CSMD2: variants seen among roughly 807,000 people sequenced by gnomAD.
CSMD2 encodes CUB and sushi domain-containing protein 2.
In CSMD2, 130 loss-of-function variants were observed where a neutral mutation model predicts 398.5. That is an observed-to-expected ratio of 0.33 (90% CI 0.28 to 0.38). The LOEUF (loss-of-function observed/expected upper bound fraction) is 0.38, where lower values mean the gene tolerates loss of function less well. Among genes scored for constraint, CSMD2 ranks in the 10% least tolerant of loss-of-function variants. The pLI is 1.00. For synonymous variants in CSMD2, 1,828 were observed against 1,908.5 expected, an observed-to-expected ratio of 0.96 and a Z score of 1.10; for missense variants, 3,829 against 4,764.9, an observed-to-expected ratio of 0.80 and a Z score of 5.78.
chr1:33,659,920 T>A (rs1202945864), intron 26 of CSMD2, among the ~76,000 whole-genome samples: 2 of 152,274 alleles, frequency 1.3e-5, no homozygotes, highest in African/African-American at 4.8e-5. Context: ...TATCAACATT[T>A]GACAGCTACT....
At chr1:33,821,278 G>C (rs1658114236) in intron 7 of CSMD2, among the ~76,000 whole-genome samples, 1 of 152,208 alleles carries the variant, frequency 6.6e-6, no homozygotes, top group Non-Finnish European at 1.5e-5. Flanking sequence ...ATGCACAGTT[G>C]TCTTGGCTAG....
At chr1:34,075,871 G>GCT (rs941431242) in intron 2 of CSMD2, among the ~76,000 whole-genome samples, 1 of 152,158 alleles carries the variant, frequency 6.6e-6, no homozygotes, top group African/African-American at 2.4e-5. Flanking sequence ...TATCTGGAAG[G>GCT]CTCTTTGTTC....
rs888763093 is a variant in CSMD2 at position 33,518,695 on chromosome 1, G to T, written c.*53+770C>A. On this transcript the variant is annotated intron_variant, in intron 70 of 70. Coordinates refer to ENST00000373381, the MANE Select transcript of CSMD2 (RefSeq NM_001281956.2). This position sits in a 1 kb window ranked among gnomAD's most constrained non-coding sequence, Gnocchi z 4.3. Reference sequence around the variant, plus strand: ...GGTGCTCCAAAGAGGAAGGAATTCCGTCTCTGACTGCTTTTGGACTCAAGA... The same window carrying T: ...GGTGCTCCAAAGAGGAAGGAATTCCTTCTCTGACTGCTTTTGGACTCAAGA... Among the ~76,000 whole-genome samples, 1 of 152,120 alleles carries T rather than the reference G, an allele frequency of 6.6e-6. No homozygotes were observed. The highest frequency in any genetic ancestry group is 1.9e-4 in the East Asian group (1 of 5,186).
At chr1:33,978,418 G>A (rs1170388029) in intron 3 of CSMD2, among the ~76,000 whole-genome samples, 1 of 152,152 alleles carries the variant, frequency 6.6e-6, no homozygotes, top group African/African-American at 2.4e-5. Flanking sequence ...ACACATCACA[G>A]AGGGCAGACA....
At chr1:33,909,464 A>G (rs1249698677) in intron 5 of CSMD2, among the ~76,000 whole-genome samples, 1 of 152,068 alleles carries the variant, frequency 6.6e-6, no homozygotes, top group Non-Finnish European at 1.5e-5. Flanking sequence ...TTATGTTTGA[A>G]TATTTTACTA....
intron 25 of CSMD2, among the ~76,000 whole-genome samples, chr1:33,666,254 AAAAAAATGTGAT>A (rs1378138368): frequency 5.3e-5 from 8 of 152,170 alleles, no homozygotes; most frequent in Non-Finnish European, 1.0e-4. Flanking sequence ...ACCAAGTCCC[AAAAAAATGTGAT>A]TGAGATTTTG....
intron 5 of CSMD2, among the ~76,000 whole-genome samples, chr1:33,898,636 T>C (rs140686811): frequency 1.3e-5 from 2 of 152,008 alleles, no homozygotes; most frequent in Non-Finnish European, 2.9e-5. Context: ...AACTTCCCTA[T>C]GAAGGTAATT....
chr1:33,695,223 T>C (rs507732), intron 24 of CSMD2, among the ~76,000 whole-genome samples: 4 of 152,122 alleles, frequency 2.6e-5, no homozygotes, highest in Non-Finnish European at 5.9e-5. Flanking sequence ...GATAGGGAGA[T>C]GGGGGAGATG....
chr1:33,811,042 C>T (rs1445988117), intron 9 of CSMD2, among the ~76,000 whole-genome samples, 178 bp from the exon 10 acceptor site: 1 of 152,060 alleles, frequency 6.6e-6, no homozygotes, highest in Non-Finnish European at 1.5e-5. Flanking sequence ...AGCCGCAGTG[C>T]CTGGAGCACT....
chr1:34,015,752 G>A (rs1187364107), intron 3 of CSMD2, among the ~76,000 whole-genome samples: 2 of 152,212 alleles, frequency 1.3e-5, no homozygotes, highest in Admixed American at 1.3e-4. Context: ...GAGTGGATAA[G>A]GAGTTGCTGA....
At chr1:34,124,110 A>T (rs371009314) in intron 1 of CSMD2, among the ~76,000 whole-genome samples, 1 of 152,322 alleles carries the variant, frequency 6.6e-6, no homozygotes, top group East Asian at 1.9e-4. Context: ...ATTCAAATCC[A>T]AAACAGAAAT....
rs372133624 is a variant in CSMD2, at chr1:34,013,167, C to G, written c.517+19427G>C. 2.0e-5 allele frequency among the ~76,000 whole-genome samples: 3 copies of G among 152,326 alleles called. No homozygotes were observed. In the East Asian group the frequency reaches 5.8e-4, roughly 29 times the overall value. On this transcript the variant is annotated intron_variant, in intron 3 of 70. Transcript: ENST00000373381. ...CGGGGAGGGCTGCTTTGAAAGCAGA[C>G]GTTGCAGTTTCCTTTCAAGTATTAT... is the stretch of plus-strand genomic sequence containing the variant.
intron 22 of CSMD2, among the ~76,000 whole-genome samples, chr1:33,701,718 T>C (rs1171625146): frequency 6.6e-6 from 1 of 152,246 alleles, no homozygotes; most frequent in Non-Finnish European, 1.5e-5. Flanking sequence ...GTAATTGCTG[T>C]GTATCACTGA....
At chr1:33,931,061 C>T (rs1024816528) in intron 4 of CSMD2, among the ~76,000 whole-genome samples, 2 of 152,128 alleles carry the variant, frequency 1.3e-5, no homozygotes, top group African/African-American at 4.8e-5. Context: ...AGCTACTGGG[C>T]AGGTGGGGTA....
intron 5 of CSMD2, 109 bp downstream of exon 5, chr1:33,917,985 G>A (rs1456448986): frequency 2.2e-6 from 2 of 891,264 alleles, no homozygotes; most frequent in Non-Finnish European, 3.5e-6. Context: ...ATAAGGAAGT[G>A]GCTAAGAGGC....
chr1:33,882,136 T>G (rs1641279285), intron 5 of CSMD2: 1 of 152,228 alleles, frequency 6.6e-6, no homozygotes, highest in Admixed American at 6.5e-5. Context: ...TCCAAAAAAG[T>G]TGTGCCATTT....
At chr1:33,605,131 C>T (rs1164259663) in intron 42 of CSMD2, 151 bp downstream of exon 42, 1 of 749,656 alleles carries the variant, frequency 1.3e-6, no homozygotes, top group Non-Finnish European at 2.2e-6. Flanking sequence ...AGAGGCTGGG[C>T]CACACCATGT....
At chr1:33,521,632 A>G (rs1241682339) in intron 67 of CSMD2, 82 bp from the exon 68 acceptor site, 30 of 906,642 alleles carry the variant, frequency 3.3e-5, no homozygotes, top group Non-Finnish European at 4.8e-5. Context: ...CACGCTGCCC[A>G]GCAGGTCACC....
At chr1:33,763,717 C>G (rs1650129846) in intron 13 of CSMD2, among the ~76,000 whole-genome samples, 1 of 152,182 alleles carries the variant, frequency 6.6e-6, no homozygotes, top group Non-Finnish European at 1.5e-5. Flanking sequence ...GGGCTTGGTT[C>G]TTACAGCCAG....
Sources: gnomAD v4.1 joint callset for allele counts (sites outside exome capture counted in the v4.1 genomes callset) on GRCh38, gnomAD v4.1.1 for gene constraint, Gnocchi (gnomAD v3.1) non-coding constraint, MANE v1.5 for transcripts, NCBI Gene and HGNC (gene_info 2026-07-23, HGNC 2026-07-21) for gene names.